YBX3: variants seen among roughly 807,000 people sequenced by gnomAD.
YBX3 encodes Y-box binding protein 3, also known as Y-box-binding protein 3.
In YBX3, 29 loss-of-function variants were observed where a neutral mutation model predicts 42.4. That is an observed-to-expected ratio of 0.68 (90% confidence interval 0.51 to 0.93). The LOEUF (loss-of-function observed/expected upper bound fraction) is 0.93, where lower values mean the gene tolerates loss of function less well. YBX3 is among the 40% of genes least tolerant of loss of function. The probability of loss-of-function intolerance (pLI) is 0.00; values close to 1 mark genes in which losing one functional copy is unlikely to be tolerated. For missense variants in YBX3, 517 were observed against 527.5 expected, an observed-to-expected ratio of 0.98 and a Z score of 0.19; for synonymous variants, 195 against 189.8, an observed-to-expected ratio of 1.03 and a Z score of -0.22.
intron 4 of YBX3, among the ~76,000 whole-genome samples, chr12:10,714,562 G>T (rs1948237996): frequency 6.6e-6 from 1 of 152,082 alleles, no homozygotes; most frequent in Non-Finnish European, 1.5e-5. Context: ...AGCTATCTTA[G>T]GGTCTATCAG....
At chr12:10,721,869 C>T (rs1341602200) in intron 1 of YBX3, 1 of 152,232 alleles carries the variant, frequency 6.6e-6, no homozygotes, top group Non-Finnish European at 1.5e-5. Context: ...TTATTCACCA[C>T]CCACCTGCTT....
intron 4 of YBX3, 134 bp from the exon 5 acceptor site, chr12:10,713,467 T>C (rs1370935150): frequency 1.7e-6 from 2 of 1,152,604 alleles, no homozygotes; most frequent in Non-Finnish European, 2.4e-6. Context: ...AAAACAGATC[T>C]AGGTTTTAAA....
chr12:10,719,106 G>C lies in YBX3; in HGVS notation c.300C>G (p.Val100=), dbSNP rs777828393. The change falls in exon 2 of 10, where the codon GTC becomes GTG. Residue 100 remains valine, a synonymous_variant. Coordinates refer to ENST00000228251, the MANE Select transcript of YBX3 (RefSeq NM_003651.5). ...GATTTATAAATCCATATCCATTTCT[G>C]ACGTTGAACCATTTGACAGTGCCAA... ...KVLGTVKWFN[V]RNGYGFINRN... The C allele has an allele frequency of 1.2e-6, 2 of 1,613,490 alleles. No homozygotes were observed. The highest frequency in any genetic ancestry group is 2.2e-5 in the East Asian group (1 of 44,814).
intron 1 of YBX3, chr12:10,722,195 G>A (rs1397385273): frequency 6.6e-6 from 1 of 152,304 alleles, no homozygotes; most frequent in Non-Finnish European, 1.5e-5. Context: ...AGAGGGGGAG[G>A]AAGACGTGGG....
chr12:10,709,806 CA>C (rs1948177650), intron 6 of YBX3, 101 bp downstream of exon 6: 1 of 1,418,166 alleles, frequency 7.1e-7, no homozygotes, highest in South Asian at 1.2e-5. Context: ...AAGCCATAAG[CA>C]AGGTTTCTGG....
rs1948283247 is a variant in YBX3, at chr12:10,718,093, G to A, written c.355C>T (p.His119Tyr). The A allele has an allele frequency of 6.2e-7, 1 of 1,611,794 alleles. No homozygotes were observed. The change falls in exon 3 of 10, where the codon CAT becomes TAT. Residue 119 changes from histidine (H) to tyrosine (Y), a missense_variant. His to Tyr is a moderately conservative substitution (Grantham distance 83, BLOSUM62 2). This residue lies in a region of YBX3 where 420 missense variants were observed against 408.5 expected (regional missense o/e 1.03). Coordinates refer to ENST00000228251, the MANE Select transcript of YBX3 (RefSeq NM_003651.5). ...GTATTTATAATCCCTCTTACCTGAT[G>A]TACAAATACATCTTCTTTGGTGTCA... ...RNDTKEDVFV[H>Y]QTAIKKNNPR...
chr12:10,701,374 A>G (rs945541329), intron 8 of YBX3, 21 bp from the exon 9 acceptor site: 12 of 780,860 alleles, frequency 1.5e-5, no homozygotes, highest in Non-Finnish European at 2.6e-5. Flanking sequence ...AAACAAAGCC[A>G]TAAATCAGAT....
Position 10,704,139 on chromosome 12 carries a change from T to C in YBX3, c.790A>G (p.Ile264Val). 6.2e-7 allele frequency: 1 copy of C among 1,614,022 alleles called. No homozygotes were observed. ...GGGACTCCATCCTTCATCTCTCCAATCTCACCAGCCTGGAGAGGCAATGAG... is the reference window on the plus strand; with the variant it reads ...GGGACTCCATCCTTCATCTCTCCAACCTCACCAGCCTGGAGAGGCAATGAG... ...PHPNRIQAGEIGEMKDGVPEG... is the reference protein window; with the variant it reads ...PHPNRIQAGEVGEMKDGVPEG... The change falls in exon 7 of 10, where the codon ATT (isoleucine) becomes GTT (valine). Residue 264 changes from isoleucine to valine, a missense_variant. By Grantham distance (29) the Ile-to-Val change is conservative. This residue lies in a region of YBX3 where 420 missense variants were observed against 408.5 expected (regional missense o/e 1.03). Coordinates refer to ENST00000228251, the MANE Select transcript of YBX3 (RefSeq NM_003651.5).
intron 4 of YBX3, among the ~76,000 whole-genome samples, chr12:10,714,903 G>A (rs930035587): frequency 3.3e-5 from 5 of 151,686 alleles, no homozygotes; most frequent in Admixed American, 6.6e-5. Flanking sequence ...ACAGGAGTGC[G>A]ACCACACTCA....
intron 4 of YBX3, among the ~76,000 whole-genome samples, chr12:10,713,963 T>A (rs1183411572): frequency 6.6e-6 from 1 of 152,194 alleles, no homozygotes; most frequent in African/African-American, 2.4e-5. Context: ...GTTAAAAAAA[T>A]GTAGACCAAG....
chr12:10,711,566 T>G (rs1159515595), intron 5 of YBX3: 1 of 152,236 alleles, frequency 6.6e-6, no homozygotes, highest in African/African-American at 2.4e-5. Flanking sequence ...TTTTTCTTCT[T>G]GGGCTTATCT....
intron 6 of YBX3, among the ~76,000 whole-genome samples, chr12:10,706,395 A>G (rs560404550): frequency 2.2e-4 from 33 of 152,332 alleles, no homozygotes; most frequent in African/African-American, 7.0e-4. Context: ...TCAATGGGGA[A>G]TATGTCTCCT....
chr12:10,704,741 T>C (rs1395365443), intron 6 of YBX3, among the ~76,000 whole-genome samples: 2 of 152,184 alleles, frequency 1.3e-5, no homozygotes, highest in African/African-American at 2.4e-5. Flanking sequence ...GCTCCCTGTA[T>C]TTACATTAGA....
At chr12:10,706,812 T>C (rs754549411) in intron 6 of YBX3, among the ~76,000 whole-genome samples, 6 of 152,054 alleles carry the variant, frequency 3.9e-5, no homozygotes, top group African/African-American at 9.7e-5. Context: ...AGTCAGGAGA[T>C]TGAGACCATC....
At chr12:10,721,003 C>T (rs1565593109) in intron 1 of YBX3, 1 of 152,130 alleles carries the variant, frequency 6.6e-6, no homozygotes. Context: ...TTTTTTTGCA[C>T]TCATGAAAAC....
chr12:10,704,337 C>T (rs1948114538), intron 6 of YBX3, 189 bp from the exon 7 acceptor site: 3 of 528,344 alleles, frequency 5.7e-6, no homozygotes, highest in South Asian at 3.0e-5. Context: ...GGAAGACAAA[C>T]CTAGTCTGAC....
chr12:10,714,231 A>C (rs1412856598), intron 4 of YBX3, among the ~76,000 whole-genome samples: 1 of 152,184 alleles, frequency 6.6e-6, no homozygotes, highest in Non-Finnish European at 1.5e-5. Flanking sequence ...TTTAAAACAC[A>C]ATGGTTTGAG....
intron 6 of YBX3, among the ~76,000 whole-genome samples, chr12:10,705,611 A>C (rs1948128711): frequency 6.6e-6 from 1 of 152,220 alleles, no homozygotes; most frequent in African/African-American, 2.4e-5. Context: ...TAAGTGGTTA[A>C]GGTGGTATCT....
intron 1 of YBX3, 68 bp from the exon 2 acceptor site, chr12:10,719,211 T>G: frequency 1.5e-6 from 2 of 1,330,696 alleles, no homozygotes; most frequent in Non-Finnish European, 2.1e-6. Flanking sequence ...ATCACTAAGA[T>G]CTTGATAACA....
Sources: gnomAD v4.1 joint callset for allele counts (sites outside exome capture counted in the v4.1 genomes callset) on GRCh38, gnomAD v4.1.1 for gene constraint, gnomAD v4.1.1 regional missense constraint, MANE v1.5 for transcripts, NCBI Gene and HGNC (gene_info 2026-07-23, HGNC 2026-07-21) for gene names.